Variants in MMP26 observed in about 807,000 individuals in gnomAD.
MMP26 encodes the protein matrix metallopeptidase 26.
In MMP26, 33 loss-of-function variants were observed where a neutral mutation model predicts 31.0. That is an observed-to-expected ratio of 1.06 (90% confidence interval 0.81 to 1.42). The LOEUF is 1.42. Among genes scored for constraint, MMP26 ranks in the 40% most tolerant of loss-of-function variants. MMP26 has a pLI of 0.00. For synonymous variants in MMP26, 122 were observed against 114.9 expected (o/e 1.06, Z -0.40); for missense variants, 347 against 316.1 (o/e 1.10, Z -0.74).
At chr11:4,795,843 G>GGA (rs142600384) in intron 2 of MMP26, among the ~76,000 whole-genome samples, 4,375 of 142,202 alleles carry the variant, frequency 0.031, 87 homozygotes, top group Admixed American at 0.041. Context: ...AGAGAGAGAG[G>GGA]GAGAGAGAGA....
intron 2 of MMP26, among the ~76,000 whole-genome samples, chr11:4,898,152 T>C (rs1850741357): frequency 6.6e-6 from 1 of 151,838 alleles, no homozygotes; most frequent in Non-Finnish European, 1.5e-5. Flanking sequence ...CAAACATATA[T>C]ATTTTACTGT....
At chr11:4,799,711 C>A (rs980936578) in intron 2 of MMP26, among the ~76,000 whole-genome samples, 4 of 152,178 alleles carry the variant, frequency 2.6e-5, no homozygotes, top group African/African-American at 9.7e-5. Flanking sequence ...CACCTATGAG[C>A]CTGTAAAATC....
Position 4,881,675 on chromosome 11 carries a change from C to A in MMP26, c.-144-106393C>A, listed in dbSNP as rs1850464487. ...CTGAAGTTTAGTAAAAAATAATAGA[C>A]TTTGGAGTTAGTAAATTTGGTTTTG... On this transcript the variant is annotated intron_variant, in intron 2 of 7. Coordinates refer to ENST00000380390, the MANE Select transcript of MMP26 (RefSeq NM_021801.5). 9.2e-6 allele frequency: 5 copies of A among 541,886 alleles called. No homozygotes were observed. The Admixed American group carries it at 1.6e-4, about 18-fold the overall frequency. The allele number at this position is 541,886 out of a possible 1,614,324, so 33.6% of individuals were successfully genotyped here. A position where few individuals can be genotyped will look rare whatever the true frequency, so the allele number is the denominator to read the frequency against.
chr11:4,939,846 T>C (rs1340092074), intron 2 of MMP26, among the ~76,000 whole-genome samples: 1 of 152,150 alleles, frequency 6.6e-6, no homozygotes, highest in Non-Finnish European at 1.5e-5. Context: ...TGACATAAGA[T>C]ATATCACTTA....
intron 2 of MMP26, among the ~76,000 whole-genome samples, chr11:4,774,132 T>C (rs1371690836): frequency 3.3e-5 from 5 of 152,246 alleles, no homozygotes; most frequent in Non-Finnish European, 2.9e-5. Flanking sequence ...CAGAATAATT[T>C]CTATTCCTTT....
At chr11:4,769,375 A>G (rs112024216) in intron 2 of MMP26, 50,988 of 1,612,976 alleles carry the variant, frequency 0.032, 1,016 homozygotes, top group Non-Finnish European at 0.036. Flanking sequence ...CTGGATGGTA[A>G]CAATAGGAGT....
chr11:4,705,993 G>T lies in MMP26; in HGVS notation c.-217+948G>T, dbSNP rs1188606060. On this transcript the variant is annotated intron_variant, in intron 1 of 7. Coordinates refer to ENST00000380390, the MANE Select transcript of MMP26 (RefSeq NM_021801.5). ...GGGCGGGTGGTGGTGGTGGTGGTGG[G>T]GGGAGCTGTTCTTGGACCCATGTTT... is the stretch of plus-strand genomic sequence containing the variant. Among the ~76,000 whole-genome samples, 3 of 151,472 alleles carry T rather than the reference G, an allele frequency of 2.0e-5. 1 individual carries two copies. Among genetic ancestry groups the T allele is most frequent in the African/African-American group, 7.3e-5 (3 of 41,164 alleles).
In MMP26 at chr11:4,723,728, G is replaced by A. The variant is rs1054869005; in HGVS notation, c.-217+18683G>A. The A allele has an allele frequency of 1.1e-4, 126 of 1,185,924 alleles. 1 individual carries two copies. Among genetic ancestry groups the A allele is most frequent in the South Asian group, 8.6e-4 (71 of 82,842 alleles). 73.5% of individuals were successfully genotyped at this position (1,185,924 alleles called of 1,614,324 possible). ...TCCTGGCCCAGAGTGTCCAGTTGCCGCCTAAGGTTGTTGATGTAGCTCTCG... is the reference window on the plus strand; with the variant it reads ...TCCTGGCCCAGAGTGTCCAGTTGCCACCTAAGGTTGTTGATGTAGCTCTCG... On this transcript the variant is annotated intron_variant, in intron 1 of 7. Transcript: ENST00000380390.
At chr11:4,816,668 T>C (rs1297484393) in intron 2 of MMP26, among the ~76,000 whole-genome samples, 2 of 151,006 alleles carry the variant, frequency 1.3e-5, no homozygotes, top group African/African-American at 2.4e-5. Flanking sequence ...AAGGAAATAA[T>C]TGATTTTCTT....
At chr11:4,722,979 C>T (rs1848036225) in intron 1 of MMP26, 2 of 829,848 alleles carry the variant, frequency 2.4e-6, no homozygotes, top group South Asian at 2.6e-5. Flanking sequence ...ATCCCAGACT[C>T]CAGCCGGCTC....
chr11:4,708,527 C>A (rs1362563623), intron 1 of MMP26, among the ~76,000 whole-genome samples: 7 of 152,170 alleles, frequency 4.6e-5, no homozygotes, highest in Non-Finnish European at 1.0e-4. Context: ...CACACTAACA[C>A]TGTAGGTATT....
chr11:4,896,549 G>A (rs1850706064), intron 2 of MMP26, among the ~76,000 whole-genome samples: 1 of 152,186 alleles, frequency 6.6e-6, no homozygotes, highest in Non-Finnish European at 1.5e-5. Context: ...ACACATCAAA[G>A]AGAGTCTACT....
chr11:4,894,478 T>C (rs528225413), intron 2 of MMP26, among the ~76,000 whole-genome samples: 1 of 152,206 alleles, frequency 6.6e-6, no homozygotes, highest in Non-Finnish European at 1.5e-5. Context: ...CAGTATGCAA[T>C]ATAAATGTTA....
intron 2 of MMP26, among the ~76,000 whole-genome samples, chr11:4,955,960 A>G (rs1044334553): frequency 1.3e-5 from 2 of 152,144 alleles, no homozygotes; most frequent in African/African-American, 4.8e-5. Context: ...TTATTTCTGG[A>G]CATGTTATTT....
chr11:4,728,129 A>G (rs770691209), intron 1 of MMP26, among the ~76,000 whole-genome samples: 1 of 152,232 alleles, frequency 6.6e-6, no homozygotes, highest in Admixed American at 6.5e-5. Flanking sequence ...AAGATATGAA[A>G]AAGTTATTAA....
intron 2 of MMP26, among the ~76,000 whole-genome samples, chr11:4,965,537 G>A (rs1846581380): frequency 6.6e-6 from 1 of 152,134 alleles, no homozygotes; most frequent in Admixed American, 6.5e-5. Context: ...TTTAATGAAA[G>A]TATTGTTTTG....
chr11:4,987,651 T>TTG (rs1278343614), intron 2 of MMP26, among the ~76,000 whole-genome samples: 5 of 151,408 alleles, frequency 3.3e-5, no homozygotes, highest in African/African-American at 1.2e-4. Context: ...ATCTCCTGAC[T>TTG]TGTGATCTGC....
intron 2 of MMP26, among the ~76,000 whole-genome samples, chr11:4,841,177 A>G (rs1430108602): frequency 6.6e-6 from 1 of 152,218 alleles, no homozygotes; most frequent in Non-Finnish European, 1.5e-5. Context: ...TCCAGAAAAT[A>G]GCCTCAAAGG....
chr11:4,900,911 G>A (rs59413150), intron 2 of MMP26, among the ~76,000 whole-genome samples: 1 of 151,938 alleles, frequency 6.6e-6, no homozygotes, highest in Non-Finnish European at 1.5e-5. Context: ...ATTTGTCCGT[G>A]GGATGTATTT....
Sources: allele counts gnomAD v4.1 joint callset (sites outside exome capture counted in the v4.1 genomes callset), GRCh38; gene constraint gnomAD v4.1.1; transcripts MANE v1.5; gene names NCBI Gene and HGNC (gene_info 2026-07-23, HGNC 2026-07-21).